Variants in PCDHGA6 observed in about 807,000 individuals in gnomAD.
The protein encoded by PCDHGA6 is protocadherin gamma subfamily A, 6, also known as protocadherin gamma-A6.
In PCDHGA6, 41 loss-of-function variants were observed where a neutral mutation model predicts 60.6. The observed-to-expected ratio is 0.68, with a 90% CI of 0.53 to 0.88. The LOEUF is 0.88. Among genes scored for constraint, PCDHGA6 ranks in the 40% least tolerant of loss-of-function variants. The probability of loss-of-function intolerance (pLI) is 0.00; values close to 1 mark genes in which losing one functional copy is unlikely to be tolerated. For missense variants in PCDHGA6, 1,312 were observed against 1,203.0 expected (o/e 1.09, Z -1.34); for synonymous variants, 594 against 524.4 (o/e 1.13, Z -1.81).
At chr5:141,385,173 C>A in intron 1 of PCDHGA6, 1 of 1,614,188 alleles carries the variant, frequency 6.2e-7, no homozygotes. Context: ...ATGAGGTCTC[C>A]CTCACCGCGG....
In PCDHGA6 at chr5:141,489,537, C is replaced by T. The variant is rs2099688580; in HGVS notation, c.2425-5270C>T. 6.2e-6 allele frequency: 10 copies of T among 1,614,118 alleles called. No homozygotes were observed. Among genetic ancestry groups the T allele is most frequent in the Non-Finnish European group, 8.5e-6 (10 of 1,180,028 alleles). ...ACCGAGAAAGCCTATGTGGAGCCAG[C>T]ACCAGCTGCCTGCTGCCAGTGCAGG... On this transcript the variant is annotated intron_variant, in intron 1 of 3. Transcript: ENST00000517434. This position sits in a 1 kb window ranked among gnomAD's most constrained non-coding sequence, Gnocchi z 4.5.
At chr5:141,502,907 G>C (rs1335363561) in intron 2 of PCDHGA6, among the ~76,000 whole-genome samples, 2 of 138,924 alleles carry the variant, frequency 1.4e-5, no homozygotes, top group Non-Finnish European at 3.0e-5. Context: ...CTGTTGCCAG[G>C]CTGGAGTGCA....
At chr5:141,381,826 C>T (rs867772225) in intron 1 of PCDHGA6, among the ~76,000 whole-genome samples, 29 of 74,288 alleles carry the variant, frequency 3.9e-4, no homozygotes, top group Admixed American at 9.7e-4. Flanking sequence ...CTTTCTTCTT[C>T]TTTTTTTTTT....
intron 1 of PCDHGA6, chr5:141,389,156 T>C (rs2091626888): frequency 6.2e-7 from 1 of 1,613,950 alleles, no homozygotes; most frequent in Non-Finnish European, 8.5e-7. Flanking sequence ...CGGCAACAGA[T>C]CGGGGCAAGC....
intron 1 of PCDHGA6, among the ~76,000 whole-genome samples, chr5:141,474,142 T>G (rs2099344082): frequency 6.6e-6 from 1 of 152,212 alleles, no homozygotes; most frequent in African/African-American, 2.4e-5. Flanking sequence ...ACAGGCCTTA[T>G]TATCAAGAAA....
At chr5:141,488,062 T>C (rs1488970442) in intron 1 of PCDHGA6, among the ~76,000 whole-genome samples, 1 of 152,152 alleles carries the variant, frequency 6.6e-6, no homozygotes, top group Non-Finnish European at 1.5e-5. Flanking sequence ...AAATAAAATC[T>C]TTGTCTCCCA....
chr5:141,408,197 C>A (rs2095057098), intron 1 of PCDHGA6: 5 of 1,546,080 alleles, frequency 3.2e-6, no homozygotes, highest in Non-Finnish European at 4.4e-6. Context: ...AGAACCCGAG[C>A]GAACGATGGG....
chr5:141,377,157 T>C (rs1773738723), intron 1 of PCDHGA6: 1 of 152,278 alleles, frequency 6.6e-6, no homozygotes, highest in South Asian at 2.1e-4. Context: ...GTCCTAGTTT[T>C]TCTTTACCTT....
Position 141,376,441 on chromosome 5 carries a change from G to C in PCDHGA6, c.2358G>C (p.Glu786Asp). The C allele has an allele frequency of 1.9e-6, 3 of 1,614,206 alleles. No individual in the cohort carries two copies. The highest frequency in any genetic ancestry group is 2.5e-6 in the Non-Finnish European group (3 of 1,180,040). The change falls in exon 1 of 4, where the codon GAG becomes GAC. Residue 786 changes from glutamate (E) to aspartate (D), a missense_variant. Coordinates refer to ENST00000517434, the MANE Select transcript of PCDHGA6 (RefSeq NM_018919.3). Reference protein sequence around the residue: ...ADTLINQESYEKSEPLLITQD... With the variant: ...ADTLINQESYDKSEPLLITQD... ...CGCTTATCAACCAGGAGAGCTATGA[G>C]AAAAGCGAGCCTCTTCTGATAACTC...
intron 1 of PCDHGA6, among the ~76,000 whole-genome samples, chr5:141,450,830 T>TTTA (rs1554136905): frequency 6.9e-5 from 7 of 101,548 alleles, no homozygotes; most frequent in East Asian, 2.6e-4. Flanking sequence ...ATTATTATTA[T>TTTA]TTTTTTTTTT....
intron 1 of PCDHGA6, among the ~76,000 whole-genome samples, chr5:141,434,848 C>T (rs1224972794): frequency 6.6e-6 from 1 of 151,786 alleles, no homozygotes; most frequent in Non-Finnish European, 1.5e-5. Context: ...AAGCAGACAT[C>T]AATAAATTTA....
At chr5:141,426,946 C>T (rs565370434) in intron 1 of PCDHGA6, 5 of 456,668 alleles carry the variant, frequency 1.1e-5, no homozygotes, top group Non-Finnish European at 2.2e-5. Context: ...CCAGTCCCAA[C>T]TGGCACTGCT....
Position 141,494,855 on chromosome 5 carries a change from G to A in PCDHGA6, c.2473G>A (p.Gly825Ser), listed in dbSNP as rs200418116. The A allele has an allele frequency of 4.8e-4, 774 of 1,614,092 alleles. 7 individuals carry two copies. The South Asian group carries it at 5.1e-3, about 11-fold the overall frequency. ...GCGTTTCTCTCAGGCCCAGAGACCC[G>A]GCACCAGCGGGTAGGTGACTGATTC... is the stretch of plus-strand genomic sequence containing the variant. ...DWRFSQAQRP[G>S]TSGSQNGDDT... Residue 825 changes from glycine (G) to serine (S), a missense_variant, in exon 2 of 4, where the codon GGC becomes AGC. Coordinates refer to ENST00000517434, the MANE Select transcript of PCDHGA6 (RefSeq NM_018919.3).
chr5:141,413,388 C>T (rs765673305), intron 1 of PCDHGA6: 39 of 1,614,012 alleles, frequency 2.4e-5, no homozygotes, highest in Non-Finnish European at 3.2e-5. Context: ...TCCGCATAGT[C>T]TCCAGAGGTA....
chr5:141,425,587 T>G (rs2096884432), intron 1 of PCDHGA6, among the ~76,000 whole-genome samples: 2 of 152,226 alleles, frequency 1.3e-5, no homozygotes. Flanking sequence ...CTAACTTTAT[T>G]CTGAATATGC....
intron 1 of PCDHGA6, among the ~76,000 whole-genome samples, chr5:141,434,824 A>ACTTG (rs1561875192): frequency 1.3e-5 from 2 of 151,888 alleles, no homozygotes; most frequent in African/African-American, 4.8e-5. Flanking sequence ...CCCTTAGTAC[A>ACTTG]CTTGGCATTT....
intron 1 of PCDHGA6, chr5:141,394,896 G>A: frequency 4.3e-6 from 7 of 1,613,872 alleles, no homozygotes; most frequent in Non-Finnish European, 5.9e-6. Context: ...CTATCTCGTG[G>A]TGGCAGTGGC....
Position 141,375,585 on chromosome 5 carries a change from T to C in PCDHGA6, c.1502T>C (p.Leu501Pro), listed in dbSNP as rs765334095. The change falls in exon 1 of 4, where the codon CTG becomes CCG. Residue 501 changes from leucine to proline, a missense_variant. By Grantham distance (98) the Leu-to-Pro change is moderately conservative (BLOSUM62 -3). Transcript: ENST00000517434. ...GAAGACACCCTCCAGGGGGCGCCCCTGTCCTCCTACGTGTCCATCAACTCC... is the reference window on the plus strand; with the variant it reads ...GAAGACACCCTCCAGGGGGCGCCCCCGTCCTCCTACGTGTCCATCAACTCC... ...LAEDTLQGAP[L>P]SSYVSINSDT... is the part of the protein sequence containing the mutation. 4.3e-6 allele frequency: 7 copies of C among 1,614,014 alleles called. No individual in the cohort carries two copies. The highest frequency in any genetic ancestry group is 1.3e-5 in the African/African-American group (1 of 74,938).
Position 141,399,737 on chromosome 5 carries a change from C to T in PCDHGA6, c.2424+23230C>T, listed in dbSNP as rs888467903. The T allele has an allele frequency of 2.5e-6, 4 of 1,613,296 alleles. No homozygotes were observed. In the South Asian group the frequency reaches 3.3e-5, roughly 13 times the overall value. On this transcript the variant is annotated intron_variant, in intron 1 of 3. Coordinates refer to ENST00000517434, the MANE Select transcript of PCDHGA6 (RefSeq NM_018919.3). Reference sequence around the variant, plus strand: ...CAGGCCCGCGACCAGGGCTCGCCTGCGCTCAGCGCAAACGTGAGCCTGCGC... The same window carrying T: ...CAGGCCCGCGACCAGGGCTCGCCTGTGCTCAGCGCAAACGTGAGCCTGCGC...
Sources: gnomAD v4.1 joint callset for allele counts (sites outside exome capture counted in the v4.1 genomes callset) on GRCh38, gnomAD v4.1.1 for gene constraint, Gnocchi (gnomAD v3.1) non-coding constraint, MANE v1.5 for transcripts, NCBI Gene and HGNC (gene_info 2026-07-23, HGNC 2026-07-21) for gene names.